The following SLC13A3 variants were observed in gnomAD, a reference collection of about 807,000 sequenced individuals.
SLC13A3 encodes Na(+)/dicarboxylate cotransporter 3.
In SLC13A3, 40 loss-of-function variants were observed where a neutral mutation model predicts 59.0. The ratio of observed to expected loss-of-function variants is 0.68; its 90% CI spans 0.53 to 0.88. The LOEUF (loss-of-function observed/expected upper bound fraction) is 0.88, where lower values mean the gene tolerates loss of function less well. Ranked by LOEUF, SLC13A3 falls within the 40% of genes least tolerant of loss-of-function variation. The pLI, the probability that SLC13A3 is intolerant of heterozygous loss-of-function variation, is 0.00. For synonymous variants in SLC13A3, 317 were observed against 330.3 expected (o/e 0.96, Z 0.44); for missense variants, 699 against 783.2 (o/e 0.89, Z 1.28).
intron 1 of SLC13A3, among the ~76,000 whole-genome samples, chr20:46,619,838 A>G (rs1379705951): frequency 1.3e-5 from 2 of 152,206 alleles, no homozygotes; most frequent in African/African-American, 4.8e-5. Context: ...CTCTCACAGC[A>G]CTCGGTTCAC....
chr20:46,643,147 CAA>C (rs11475398), intron 1 of SLC13A3, among the ~76,000 whole-genome samples: 10 of 143,810 alleles, frequency 7.0e-5, no homozygotes, highest in African/African-American at 1.7e-4. Context: ...GTAAGCAGGA[CAA>C]AAAAAAAAAT....
intron 1 of SLC13A3, among the ~76,000 whole-genome samples, chr20:46,680,644 A>C (rs1442089292): frequency 1.3e-5 from 2 of 152,196 alleles, no homozygotes; most frequent in Non-Finnish European, 2.9e-5. Flanking sequence ...TGGCCATCTC[A>C]GGCCATCTTG....
intron 10 of SLC13A3, 58 bp from the exon 11 acceptor site, chr20:46,566,448 G>A (rs777050342): frequency 1.0e-5 from 16 of 1,569,708 alleles, no homozygotes; most frequent in Middle Eastern, 1.7e-4. Context: ...CCGCCCCCCA[G>A]AGAGGGTTAG....
intron 1 of SLC13A3, among the ~76,000 whole-genome samples, chr20:46,627,125 C>G (rs1006205188): frequency 6.6e-6 from 1 of 152,218 alleles, no homozygotes; most frequent in African/African-American, 2.4e-5. Flanking sequence ...GCAAACAGGG[C>G]CTTTTCTGTC....
At chr20:46,651,462 C>A, upstream of SLC13A3, 1 of 1,377,434 alleles carries the variant, frequency 7.3e-7, no homozygotes, top group South Asian at 1.7e-5. Flanking sequence ...CCGGGACTGC[C>A]CCGCCTGGCC....
Position 46,588,077 on chromosome 20 carries a change from G to T in SLC13A3, c.1103C>A (p.Ala368Asp). Residue 368 changes from alanine (A) to aspartate (D), a missense_variant, in exon 8 of 13, where the codon GCC becomes GAC. By Grantham distance (126) the Ala-to-Asp change is moderately radical (BLOSUM62 -2). Transcript: ENST00000279027. Reference protein sequence around the residue: ...TRDPKFIPGWASLFNPGFLSD... With the variant: ...TRDPKFIPGWDSLFNPGFLSD... ...GTCTCACCCAGGATTGAAGAGGCTG[G>T]CCCAGCCAGGGATGAACTTCGGGTC... The T allele has an allele frequency of 6.2e-7, 1 of 1,609,348 alleles. No individual in the cohort carries two copies. The highest frequency in any genetic ancestry group is 8.5e-7 in the Non-Finnish European group (1 of 1,176,716).
At chr20:46,659,647 T>C in intron 1 of SLC13A3, among the ~76,000 whole-genome samples, 1 of 143,574 alleles carries the variant, frequency 7.0e-6, no homozygotes, top group Non-Finnish European at 1.5e-5. Flanking sequence ...CCCGGGGAGG[T>C]GGAGGTTGCA....
At chr20:46,632,894 T>C (rs1439384747) in intron 1 of SLC13A3, among the ~76,000 whole-genome samples, 29 of 62,062 alleles carry the variant, frequency 4.7e-4, no homozygotes, top group East Asian at 1.7e-3. Context: ...GATAGATAGA[T>C]AGATAGATAG....
At chr20:46,567,085 G>A (rs1052874318) in intron 10 of SLC13A3, among the ~76,000 whole-genome samples, 6 of 151,850 alleles carry the variant, frequency 4.0e-5, no homozygotes, top group Non-Finnish European at 7.4e-5. Flanking sequence ...CTAGCTACTC[G>A]GGAGACTAAG....
At chr20:46,684,130 G>A (rs886325512) in intron 1 of SLC13A3, among the ~76,000 whole-genome samples, 1 of 152,166 alleles carries the variant, frequency 6.6e-6, no homozygotes, top group South Asian at 2.1e-4. Flanking sequence ...TGTCGGGGAT[G>A]TTTCTTCTTC....
At chr20:46,568,105 G>A (rs1021281212) in intron 10 of SLC13A3, among the ~76,000 whole-genome samples, 2 of 152,048 alleles carry the variant, frequency 1.3e-5, no homozygotes, top group Admixed American at 6.5e-5. Context: ...CTAGAAGACA[G>A]CATACAGGGC....
intron 3 of SLC13A3, chr20:46,600,667 TC>T: frequency 2.4e-6 from 1 of 419,378 alleles, no homozygotes; most frequent in Non-Finnish European, 5.1e-6. Context: ...ACCCCAATTG[TC>T]CATTCATTCA....
At chr20:46,560,219 A>AG in intron 12 of SLC13A3, 21 bp from the exon 13 acceptor site, 1 of 1,613,154 alleles carries the variant, frequency 6.2e-7, no homozygotes, top group South Asian at 1.1e-5. Flanking sequence ...GCCCAGACAG[A>AG]GGGAGGGGTC....
chr20:46,648,786 TC>T (rs1162921229), intron 1 of SLC13A3, among the ~76,000 whole-genome samples: 3 of 152,028 alleles, frequency 2.0e-5, no homozygotes, highest in Non-Finnish European at 4.4e-5. Flanking sequence ...GAGCTGATAG[TC>T]CCAGCTACTT....
At chr20:46,640,745 G>A (rs138739073) in intron 1 of SLC13A3, among the ~76,000 whole-genome samples, 56 of 152,246 alleles carry the variant, frequency 3.7e-4, no homozygotes, top group African/African-American at 1.3e-3. Context: ...TTGGACACAC[G>A]TGTCTGACTT....
intron 1 of SLC13A3, among the ~76,000 whole-genome samples, chr20:46,661,358 A>C (rs2063028951): frequency 6.6e-6 from 1 of 152,192 alleles, no homozygotes; most frequent in Non-Finnish European, 1.5e-5. Flanking sequence ...AACCAGTCTT[A>C]CCTGTGGTTG....
chr20:46,573,518 T>G (rs574424391), intron 10 of SLC13A3, among the ~76,000 whole-genome samples: 2 of 152,368 alleles, frequency 1.3e-5, no homozygotes, highest in African/African-American at 4.8e-5. Context: ...ATGAAGCCCG[T>G]GCTTCCGAAT....
At chr20:46,600,488 C>T (rs1419300523) in intron 3 of SLC13A3, 1 of 225,714 alleles carries the variant, frequency 4.4e-6, no homozygotes, top group African/African-American at 2.3e-5. Flanking sequence ...GCATTCTATC[C>T]TCCTGTCCTA....
Position 46,558,513 on chromosome 20 carries a change from C to T in SLC13A3, c.*1509G>A, listed in dbSNP as rs975295707. On this transcript the variant is annotated 3_prime_UTR_variant, in exon 13 of 13. Transcript: ENST00000279027. The stretch of plus-strand genomic sequence containing the variant: ...CTGGTTACAAATCCCATGAGTTTCT[C>T]TTTGAATGAACCTCTTGCTTCCAGT... 1.3e-5 allele frequency: 2 copies of T among 152,234 alleles called. No homozygotes were observed. The highest frequency in any genetic ancestry group is 1.3e-4 in the Admixed American group (2 of 15,288). The allele number at this position is 152,234 out of a possible 1,614,324, so 9.4% of individuals were successfully genotyped here. A position where few individuals can be genotyped will look rare whatever the true frequency, so the allele number is the denominator to read the frequency against.
Sources: allele counts gnomAD v4.1 joint callset (sites outside exome capture counted in the v4.1 genomes callset), GRCh38; gene constraint gnomAD v4.1.1; transcripts MANE v1.5; gene names NCBI Gene and HGNC (gene_info 2026-07-23, HGNC 2026-07-21).